ASIC2: variants seen among roughly 807,000 people sequenced by gnomAD.
The protein encoded by ASIC2 is acid sensing ion channel subunit 2.
A neutral mutation model predicts 57.3 loss-of-function variants in ASIC2; 25 were observed. The observed-to-expected ratio is 0.44, with a 90% CI of 0.32 to 0.61. The LOEUF (loss-of-function observed/expected upper bound fraction) is 0.61, where lower values mean the gene tolerates loss of function less well. ASIC2 is among the 20% of genes least tolerant of loss of function. ASIC2 has a pLI of 0.06. For missense variants in ASIC2, 641 were observed against 738.1 expected, an observed-to-expected ratio of 0.87 and a Z score of 1.52; for synonymous variants, 319 against 307.5, an observed-to-expected ratio of 1.04 and a Z score of -0.39.
intron 1 of ASIC2, among the ~76,000 whole-genome samples, chr17:34,144,935 C>G (rs2142139111): frequency 1.3e-5 from 2 of 152,308 alleles, no homozygotes; most frequent in East Asian, 3.9e-4. Context: ...TCTAGCCATA[C>G]TAAACCTAGA....
intron 1 of ASIC2, among the ~76,000 whole-genome samples, chr17:33,143,777 C>T (rs1904428527): frequency 6.6e-6 from 1 of 152,152 alleles, no homozygotes; most frequent in Non-Finnish European, 1.5e-5. Flanking sequence ...CAACCCTAAG[C>T]TAGTATTCCA....
intron 1 of ASIC2, among the ~76,000 whole-genome samples, chr17:33,395,486 C>T (rs2141955218): frequency 6.6e-6 from 1 of 152,248 alleles, no homozygotes; most frequent in African/African-American, 2.4e-5. Flanking sequence ...ACAAGAACAG[C>T]ATAGGAAAGA....
chr17:33,712,406 T>C (rs1314679616), intron 1 of ASIC2, among the ~76,000 whole-genome samples: 1 of 152,236 alleles, frequency 6.6e-6, no homozygotes, highest in Non-Finnish European at 1.5e-5. Flanking sequence ...TGTTTGCATC[T>C]GTTAGTTATT....
intron 1 of ASIC2, among the ~76,000 whole-genome samples, chr17:33,926,996 T>C (rs1050432868): frequency 2.6e-5 from 4 of 152,110 alleles, no homozygotes; most frequent in African/African-American, 9.7e-5. Context: ...GCACAATCTC[T>C]CTGCTCACTG....
chr17:33,543,311 C>A (rs895609115), intron 1 of ASIC2, among the ~76,000 whole-genome samples: 2 of 132,482 alleles, frequency 1.5e-5, no homozygotes, highest in African/African-American at 3.2e-5. Flanking sequence ...ACAAAAAAAA[C>A]AAATCAATCT....
chr17:33,662,296 T>C (rs543712956), intron 1 of ASIC2, among the ~76,000 whole-genome samples: 1 of 152,026 alleles, frequency 6.6e-6, no homozygotes, highest in East Asian at 1.9e-4. Flanking sequence ...GAAGGGTGTG[T>C]TATGAATTTA....
At chr17:34,023,382 C>CACAT (rs1174169260) in intron 1 of ASIC2, among the ~76,000 whole-genome samples, 2 of 148,146 alleles carry the variant, frequency 1.4e-5, no homozygotes, top group Non-Finnish European at 3.0e-5. Flanking sequence ...GTCACAAACA[C>CACAT]ACACACACAC....
At chr17:33,430,563 G>A (rs1911375081) in intron 1 of ASIC2, among the ~76,000 whole-genome samples, 2 of 152,120 alleles carry the variant, frequency 1.3e-5, no homozygotes, top group African/African-American at 4.8e-5. Context: ...ATGTCAAGTG[G>A]TCAGTGAAGC....
intron 1 of ASIC2, among the ~76,000 whole-genome samples, chr17:33,754,383 C>T (rs2142107236): frequency 6.6e-6 from 1 of 152,096 alleles, no homozygotes; most frequent in South Asian, 2.1e-4. Flanking sequence ...CACAGACACT[C>T]CGATAAAGCT....
intron 1 of ASIC2, chr17:34,006,478 T>A (rs902762992): frequency 4.6e-5 from 7 of 152,132 alleles, no homozygotes; most frequent in African/African-American, 1.7e-4. Context: ...TGAATTTGAG[T>A]TTTAAATGAT....
At chr17:33,457,556 T>G (rs1021893) in intron 1 of ASIC2, among the ~76,000 whole-genome samples, 83,004 of 151,574 alleles carry the variant, frequency 0.55, 22,875 homozygotes, top group Middle Eastern at 0.66. Context: ...GGCATAAAAA[T>G]GAACAAGACA....
At chr17:33,577,674 A>G (rs1015217442) in intron 1 of ASIC2, among the ~76,000 whole-genome samples, 2 of 152,052 alleles carry the variant, frequency 1.3e-5, no homozygotes, top group Non-Finnish European at 2.9e-5. Context: ...CCTAGCACCT[A>G]TTTTTACCAG....
chr17:33,411,732 C>A (rs1053145251), intron 1 of ASIC2, among the ~76,000 whole-genome samples: 1 of 152,172 alleles, frequency 6.6e-6, no homozygotes, highest in South Asian at 2.1e-4. Flanking sequence ...CCAGCTTTAC[C>A]ATTGACTGAC....
chr17:33,909,070 C>T (rs1915407607), intron 1 of ASIC2, among the ~76,000 whole-genome samples: 1 of 152,194 alleles, frequency 6.6e-6, no homozygotes, highest in South Asian at 2.1e-4. Flanking sequence ...CATTTTGACA[C>T]TGCCATTTGG....
chr17:33,620,587 TAA>T lies in ASIC2; in HGVS notation c.556-508522_556-508521del, dbSNP rs770402211. On this transcript the variant is annotated intron_variant, in intron 1 of 9. Transcript: ENST00000359872. Reference sequence around the variant, plus strand: ...TCATCCTTATTTTAGAGCTTCCCCATAAAATTAGCAACTTTGCCATTTTTCTG... The same window carrying T: ...TCATCCTTATTTTAGAGCTTCCCCATAATTAGCAACTTTGCCATTTTTCTG... 2.1e-3 allele frequency among the ~76,000 whole-genome samples: 316 copies of T among 152,318 alleles called. 3 individuals are homozygous for T. Among genetic ancestry groups the T allele is most frequent in the Non-Finnish European group, 3.5e-3 (240 of 68,022 alleles).
At chr17:33,295,913 T>C (rs1038870411), upstream of ASIC2, among the ~76,000 whole-genome samples, 1 of 152,148 alleles carries the variant, frequency 6.6e-6, no homozygotes, top group Non-Finnish European at 1.5e-5. Flanking sequence ...CTTGAACTCC[T>C]GGGCTTAAGC....
intron 1 of ASIC2, among the ~76,000 whole-genome samples, chr17:33,183,171 C>G (rs570361102): frequency 3.7e-4 from 57 of 152,266 alleles, no homozygotes; most frequent in Non-Finnish European, 6.3e-4. Context: ...CCCTCATACT[C>G]GAAAGTAAGT....
chr17:33,416,053 C>T (rs970111329), intron 1 of ASIC2, among the ~76,000 whole-genome samples: 8 of 152,190 alleles, frequency 5.3e-5, no homozygotes, highest in African/African-American at 1.9e-4. Flanking sequence ...GCTCAGTGCT[C>T]ATTTGCTGAA....
chr17:33,867,909 G>A (rs1165190323), intron 1 of ASIC2, among the ~76,000 whole-genome samples: 2 of 152,328 alleles, frequency 1.3e-5, no homozygotes, highest in Non-Finnish European at 2.9e-5. Context: ...GCAGGGACAT[G>A]GGGTTTAGGG....
Sources: gnomAD v4.1 joint callset for allele counts (sites outside exome capture counted in the v4.1 genomes callset) on GRCh38, gnomAD v4.1.1 for gene constraint, MANE v1.5 for transcripts, NCBI Gene and HGNC (gene_info 2026-07-23, HGNC 2026-07-21) for gene names.